FOCAD: variants seen among roughly 807,000 people sequenced by gnomAD.
FOCAD encodes focadhesin.
FOCAD carries 198 observed loss-of-function variants against 225.6 expected under a neutral mutation model. The ratio of observed to expected loss-of-function variants is 0.88; its 90% CI spans 0.78 to 0.99. The LOEUF (loss-of-function observed/expected upper bound fraction) is 0.99. Ranked by LOEUF, FOCAD falls within the 50% of genes least tolerant of loss-of-function variation. FOCAD has a pLI of 0.00. For missense variants in FOCAD, 2,713 were observed against 2,123.6 expected (o/e 1.28, Z -5.46); for synonymous variants, 897 against 755.0 (o/e 1.19, Z -3.08).
intron 1 of FOCAD, among the ~76,000 whole-genome samples, chr9:20,702,919 G>A (rs1361752056): frequency 6.6e-6 from 1 of 152,050 alleles, no homozygotes; most frequent in Non-Finnish European, 1.5e-5. Flanking sequence ...TATTGAATAG[G>A]TATTTGTTAT....
In FOCAD at chr9:20,780,935, C is replaced by G. The variant is rs150090797; in HGVS notation, c.995-792C>G. Among the ~76,000 whole-genome samples, 951 of 152,236 alleles carry G rather than the reference C, an allele frequency of 6.2e-3. 10 individuals are homozygous for G. Among genetic ancestry groups the G allele is most frequent in the African/African-American group, 0.022 (907 of 41,532 alleles). ...CAGATGATGTAAAATAGAATGCTGA[C>G]AACTCATTGACATGATTCAAGGCTT... On this transcript the variant is annotated intron_variant, in intron 9 of 43. Coordinates refer to ENST00000338382, the MANE Select transcript of FOCAD (RefSeq NM_001375567.1).
At chr9:20,872,415 C>T (rs1433555935) in intron 18 of FOCAD, among the ~76,000 whole-genome samples, 1 of 152,072 alleles carries the variant, frequency 6.6e-6, no homozygotes, top group African/African-American at 2.4e-5. Flanking sequence ...ATTCTGGAAG[C>T]ATTTGGTCAT....
At chr9:20,892,121 GA>G (rs1250257222) in intron 21 of FOCAD, among the ~76,000 whole-genome samples, 4 of 151,156 alleles carry the variant, frequency 2.6e-5, no homozygotes, top group African/African-American at 4.9e-5. Flanking sequence ...CTACTGCTTA[GA>G]AAAAAAAAGA....
At chr9:20,988,238 G>T in intron 40 of FOCAD, 94 bp from the exon 41 acceptor site, 1 of 677,872 alleles carries the variant, frequency 1.5e-6, no homozygotes, top group South Asian at 2.1e-5. Context: ...ATCCTCACCA[G>T]GTGTTCTGCT....
intron 21 of FOCAD, among the ~76,000 whole-genome samples, chr9:20,889,628 A>G (rs182173743): frequency 1.2e-4 from 18 of 152,332 alleles, no homozygotes; most frequent in African/African-American, 4.1e-4. Context: ...AATGACATAC[A>G]TAGCTGAATA....
chr9:20,903,597 T>C lies in FOCAD; in HGVS notation c.2626-3553T>C, dbSNP rs539805315. 3.3e-5 allele frequency among the ~76,000 whole-genome samples: 5 copies of C among 152,094 alleles called. No homozygotes were observed. In the East Asian group the frequency reaches 9.7e-4, roughly 30 times the overall value. ...GGCCCTGAATTCTCTGGGTCCCCGTTAATTCACTAACTTTTTCTCTTTCTA... is the reference window on the plus strand; with the variant it reads ...GGCCCTGAATTCTCTGGGTCCCCGTCAATTCACTAACTTTTTCTCTTTCTA... On this transcript the variant is annotated intron_variant, in intron 21 of 43. Coordinates refer to ENST00000338382, the MANE Select transcript of FOCAD (RefSeq NM_001375567.1).
chr9:20,659,685 G>T (rs1431219019), intron 2 of FOCAD, among the ~76,000 whole-genome samples: 1 of 152,224 alleles, frequency 6.6e-6, no homozygotes, highest in African/African-American at 2.4e-5. Flanking sequence ...CACCCAACCT[G>T]TGATACTTTG....
rs759036139 is a variant in FOCAD, at chr9:20,982,436, A to G, written c.4718A>G (p.Gln1573Arg). ...GATGATGATGCCAATCGGATCGCCCAGGTTACTAAGGTAATAACATATCTT... is the reference window on the plus strand; with the variant it reads ...GATGATGATGCCAATCGGATCGCCCGGGTTACTAAGGTAATAACATATCTT... ...MTDDDANRIA[Q>R]VTKSNIEKAA... The change falls in exon 39 of 44, where the codon CAG becomes CGG. Residue 1573 changes from glutamine to arginine, a missense_variant. Transcript: ENST00000338382. 1.2e-6 allele frequency: 2 copies of G among 1,612,848 alleles called. No individual in the cohort carries two copies. The highest frequency in any genetic ancestry group is 2.7e-5 in the African/African-American group (2 of 74,922).
rs996257837 is a variant in FOCAD, at chr9:20,882,031, A to G, written c.2478A>G (p.Gln826=). Residue 826 remains glutamine (Q), a synonymous_variant, in exon 20 of 44, where the codon CAA becomes CAG. Coordinates refer to ENST00000338382, the MANE Select transcript of FOCAD (RefSeq NM_001375567.1). ...FILKMYETNK[Q]PGLKPGLAGG... ...TGAAAATGTATGAAACAAACAAGCA[A>G]CCAGGACTGAAACCTGGCCTTGCAG... is the stretch of plus-strand genomic sequence containing the variant. 2.5e-6 allele frequency: 4 copies of G among 1,613,588 alleles called. No homozygotes were observed. In the African/African-American group the frequency reaches 5.3e-5, roughly 22 times the overall value.
intron 24 of FOCAD, among the ~76,000 whole-genome samples, chr9:20,920,180 G>T (rs1834268652): frequency 6.6e-6 from 1 of 152,026 alleles, no homozygotes; most frequent in Non-Finnish European, 1.5e-5. Context: ...CTCAGAAGAA[G>T]ACATTTATGC....
At chr9:20,734,325 G>C (rs1826956629) in intron 4 of FOCAD, among the ~76,000 whole-genome samples, 1 of 152,144 alleles carries the variant, frequency 6.6e-6, no homozygotes, top group Non-Finnish European at 1.5e-5. Context: ...TCAGATCCAG[G>C]TACATGGAAT....
chr9:20,925,477 A>G (rs1473522206), intron 25 of FOCAD, among the ~76,000 whole-genome samples: 1 of 152,214 alleles, frequency 6.6e-6, no homozygotes, highest in Non-Finnish European at 1.5e-5. Flanking sequence ...ATTCATGATG[A>G]CCTTGCCTTT....
chr9:20,993,986 A>C (rs1841874769), intron 43 of FOCAD, among the ~76,000 whole-genome samples: 1 of 152,212 alleles, frequency 6.6e-6, no homozygotes, highest in Non-Finnish European at 1.5e-5. Flanking sequence ...TTCCATAAGA[A>C]GTTTTTTCCT....
chr9:20,874,783 C>T lies in FOCAD; in HGVS notation c.2293C>T (p.Leu765Phe). Residue 765 changes from leucine to phenylalanine, a missense_variant, in exon 19 of 44, where the codon CTC (leucine) becomes TTC (phenylalanine). By Grantham distance (22) the Leu-to-Phe change is conservative. Transcript: ENST00000338382. ...PGSCYLKLLS[L>F]TPPLVLPALE... Reference sequence around the variant, plus strand: ...CTCTTGCTATCTCAAACTGTTGTCACTCACTCCCCCTTTGGTTTTACCAGG... The same window carrying T: ...CTCTTGCTATCTCAAACTGTTGTCATTCACTCCCCCTTTGGTTTTACCAGG... 1 of 1,613,626 alleles carries T rather than the reference C, an allele frequency of 6.2e-7. No individual in the cohort carries two copies. The highest frequency in any genetic ancestry group is 8.5e-7 in the Non-Finnish European group (1 of 1,179,690).
At chr9:20,675,220 G>C (rs563393990) in intron 2 of FOCAD, among the ~76,000 whole-genome samples, 36 of 152,308 alleles carry the variant, frequency 2.4e-4, no homozygotes, top group African/African-American at 8.2e-4. Flanking sequence ...GCTTAGGTTA[G>C]GGGTAGGCAA....
chr9:20,709,506 TAAA>T (rs33977101), intron 1 of FOCAD, among the ~76,000 whole-genome samples: 22 of 127,908 alleles, frequency 1.7e-4, no homozygotes, highest in Admixed American at 2.4e-4. Flanking sequence ...CTCTGTCTCT[TAAA>T]AAAAAAAAAA....
intron 17 of FOCAD, among the ~76,000 whole-genome samples, chr9:20,866,298 A>C (rs1357617351): frequency 6.6e-6 from 1 of 151,986 alleles, no homozygotes; most frequent in African/African-American, 2.4e-5. Context: ...AAGCATACCA[A>C]ACAAACAAAA....
At chr9:20,837,682 T>G (rs774328332) in intron 15 of FOCAD, among the ~76,000 whole-genome samples, 1 of 152,108 alleles carries the variant, frequency 6.6e-6, no homozygotes, top group Non-Finnish European at 1.5e-5. Flanking sequence ...GCATTATGTT[T>G]GTACAAGAAT....
intron 5 of FOCAD, among the ~76,000 whole-genome samples, chr9:20,749,815 A>G (rs1042638070): frequency 1.3e-5 from 2 of 152,148 alleles, no homozygotes; most frequent in African/African-American, 4.8e-5. Flanking sequence ...GGTTACAAAT[A>G]ACTTTTGCTT....
Sources: gnomAD v4.1 joint callset for allele counts (sites outside exome capture counted in the v4.1 genomes callset) on GRCh38, gnomAD v4.1.1 for gene constraint, MANE v1.5 for transcripts, NCBI Gene and HGNC (gene_info 2026-07-23, HGNC 2026-07-21) for gene names.